STIMATE: variants seen among roughly 807,000 people sequenced by gnomAD.
STIMATE encodes the protein STIM activating enhancer.
STIMATE carries 15 observed loss-of-function variants against 36.7 expected under a neutral mutation model. The ratio of observed to expected loss-of-function variants is 0.41; its 90% CI spans 0.27 to 0.63. The LOEUF is 0.63. Among genes scored for constraint, STIMATE ranks in the 20% least tolerant of loss-of-function variants. The pLI is 0.32. For synonymous variants in STIMATE, 163 were observed against 162.3 expected, an observed-to-expected ratio of 1.00 and a Z score of -0.03; for missense variants, 305 against 397.3, an observed-to-expected ratio of 0.77 and a Z score of 1.98.
rs528217491 is a variant in STIMATE at position 52,889,273 on chromosome 3, C to G, written c.160+8018G>C. Among the ~76,000 whole-genome samples, 6 of 152,268 alleles carry G rather than the reference C, an allele frequency of 3.9e-5. No individual in the cohort carries two copies. The South Asian group carries it at 8.3e-4, about 21-fold the overall frequency. ...AGATGTTCTATAGCAAAGCCCAACC[C>G]CTCCAAAGCCTGCAACCATGCTCAG... On this transcript the variant is annotated intron_variant, in intron 1 of 7. Transcript: ENST00000355083.
intron 1 of STIMATE, among the ~76,000 whole-genome samples, chr3:52,883,186 T>C (rs1297883940): frequency 1.3e-5 from 2 of 152,232 alleles, no homozygotes; most frequent in Non-Finnish European, 2.9e-5. Flanking sequence ...AAATCTGCTT[T>C]CATTTATAAA....
intron 1 of STIMATE, among the ~76,000 whole-genome samples, chr3:52,878,248 C>T (rs1377274111): frequency 6.6e-6 from 1 of 151,588 alleles, no homozygotes; most frequent in East Asian, 1.9e-4. Flanking sequence ...CAGTCTGATG[C>T]TAGACACCAC....
intron 4 of STIMATE, 144 bp from the exon 5 acceptor site, chr3:52,845,085 G>T: frequency 3.2e-6 from 2 of 634,178 alleles, no homozygotes; most frequent in Admixed American, 3.3e-5. Context: ...AAAGTCCAAA[G>T]GATTACCTCA....
intron 1 of STIMATE, among the ~76,000 whole-genome samples, chr3:52,895,423 C>T (rs964681611): frequency 1.3e-5 from 2 of 152,170 alleles, no homozygotes; most frequent in Non-Finnish European, 2.9e-5. Flanking sequence ...CCCCATCACT[C>T]CTACCCACAT....
At chr3:52,865,292 T>C (rs1701286476) in intron 1 of STIMATE, among the ~76,000 whole-genome samples, 1 of 152,162 alleles carries the variant, frequency 6.6e-6, no homozygotes, top group Admixed American at 6.5e-5. Context: ...CACATTTTCC[T>C]TTCTTCTGCA....
At chr3:52,890,211 C>T (rs9810807) in intron 1 of STIMATE, among the ~76,000 whole-genome samples, 88,266 of 152,100 alleles carry the variant, frequency 0.58, 26,104 homozygotes, top group Middle Eastern at 0.64. Flanking sequence ...CAGCTGTGAG[C>T]CCCTCAAGGA....
In STIMATE at chr3:52,838,282, A is replaced by G. The variant is rs916382734; in HGVS notation, c.*2212T>C. 2 of 152,178 alleles carry G rather than the reference A, an allele frequency of 1.3e-5. No homozygotes were observed. Among genetic ancestry groups the G allele is most frequent in the African/African-American group, 4.8e-5 (2 of 41,438 alleles). 9.4% of individuals were successfully genotyped at this position (152,178 alleles called of 1,614,324 possible). On this transcript the variant is annotated 3_prime_UTR_variant, in exon 8 of 8. Coordinates refer to ENST00000355083, the MANE Select transcript of STIMATE (RefSeq NM_198563.5). Reference sequence around the variant, plus strand: ...ACCCAGGGTTTGTTTCACAGCTTTCATAGATTATGGCTCTCCTATCCCCTG... The same window carrying G: ...ACCCAGGGTTTGTTTCACAGCTTTCGTAGATTATGGCTCTCCTATCCCCTG...
intron 3 of STIMATE, 94 bp downstream of exon 3, chr3:52,852,509 C>T: frequency 6.7e-7 from 1 of 1,501,336 alleles, no homozygotes; most frequent in Non-Finnish European, 9.1e-7. Flanking sequence ...TCTCCCCAAG[C>T]CAGAGGGAGC....
At position 52,894,787 on chromosome 3, in the gene STIMATE, A is replaced by C. The variant is rs1166761978; in HGVS notation, c.160+2504T>G. On this transcript the variant is annotated intron_variant, in intron 1 of 7. Transcript: ENST00000355083. Reference sequence around the variant, plus strand: ...ATCAGGACTGGGGAAGCGTTCCAGAAGACAGGCAGTGAGCCCATTGCCTCG... The same window carrying C: ...ATCAGGACTGGGGAAGCGTTCCAGACGACAGGCAGTGAGCCCATTGCCTCG... Among the ~76,000 whole-genome samples the C allele has an allele frequency of 2.0e-5, 3 of 152,242 alleles. No homozygotes were observed. In the East Asian group the frequency reaches 5.8e-4, roughly 29 times the overall value.
At chr3:52,867,656 C>T (rs547142008) in intron 1 of STIMATE, among the ~76,000 whole-genome samples, 1 of 152,250 alleles carries the variant, frequency 6.6e-6, no homozygotes, top group Non-Finnish European at 1.5e-5. Context: ...GCAACACAGG[C>T]GAGTGCTGAG....
At chr3:52,867,984 G>C (rs1701339584) in intron 1 of STIMATE, among the ~76,000 whole-genome samples, 1 of 152,206 alleles carries the variant, frequency 6.6e-6, no homozygotes, top group African/African-American at 2.4e-5. Context: ...TTCTTGACCA[G>C]GTCTCCAGTG....
At chr3:52,844,411 G>A (rs939217092) in intron 5 of STIMATE, among the ~76,000 whole-genome samples, 3 of 152,194 alleles carry the variant, frequency 2.0e-5, no homozygotes, top group Non-Finnish European at 2.9e-5. Context: ...GGAGCCCGTG[G>A]GCTGGCCAGG....
chr3:52,893,581 G>A (rs1328420710), intron 1 of STIMATE, among the ~76,000 whole-genome samples: 1 of 152,176 alleles, frequency 6.6e-6, no homozygotes, highest in Non-Finnish European at 1.5e-5. Context: ...AGCACACAGG[G>A]AGGCCGGTTT....
intron 4 of STIMATE, among the ~76,000 whole-genome samples, chr3:52,846,036 G>A (rs1483571173): frequency 6.6e-6 from 1 of 152,220 alleles, no homozygotes; most frequent in Non-Finnish European, 1.5e-5. Flanking sequence ...TGGCTTTATT[G>A]TTTCTGCAGC....
intron 1 of STIMATE, among the ~76,000 whole-genome samples, chr3:52,857,896 G>A (rs1230330017): frequency 6.6e-6 from 1 of 152,114 alleles, no homozygotes; most frequent in Non-Finnish European, 1.5e-5. Context: ...CCAGGCCTTT[G>A]AAGGGGTAAT....
At chr3:52,847,425 G>C (rs966360460) in intron 4 of STIMATE, 1 of 1,284,788 alleles carries the variant, frequency 7.8e-7, no homozygotes. Flanking sequence ...TTCCACATGG[G>C]AAAGAGTGGC....
chr3:52,853,558 C>T (rs563873414), intron 2 of STIMATE, among the ~76,000 whole-genome samples: 3 of 152,236 alleles, frequency 2.0e-5, no homozygotes, highest in Admixed American at 6.5e-5. Flanking sequence ...ACCAACCCAG[C>T]GACGGTGGCT....
chr3:52,892,935 CAG>C (rs1037245511), intron 1 of STIMATE, among the ~76,000 whole-genome samples: 1 of 151,726 alleles, frequency 6.6e-6, no homozygotes, highest in Non-Finnish European at 1.5e-5. Context: ...CTCAGGAAAA[CAG>C]GGGCCAGTGA....
intron 1 of STIMATE, among the ~76,000 whole-genome samples, chr3:52,863,199 G>A (rs560407296): frequency 3.2e-4 from 49 of 152,204 alleles, no homozygotes; most frequent in East Asian, 2.1e-3. Context: ...GTATTAGTCC[G>A]CTGCTGATAA....
Sources: gnomAD v4.1 joint callset for allele counts (sites outside exome capture counted in the v4.1 genomes callset) on GRCh38, gnomAD v4.1.1 for gene constraint, MANE v1.5 for transcripts, NCBI Gene and HGNC (gene_info 2026-07-23, HGNC 2026-07-21) for gene names.